The following CIZ1 variants were observed in gnomAD, a reference collection of about 807,000 sequenced individuals.
CIZ1 encodes CDKN1A interacting zinc finger protein 1.
CIZ1 carries 58 observed loss-of-function variants against 118.6 expected under a neutral mutation model. The observed-to-expected ratio is 0.49, with a 90% confidence interval of 0.40 to 0.61. CIZ1 has a LOEUF of 0.61. CIZ1 is among the 20% of genes least tolerant of loss of function. The probability of loss-of-function intolerance (pLI) is 0.00; values close to 1 mark genes in which losing one functional copy is unlikely to be tolerated. For missense variants in CIZ1, 921 were observed against 1,115.9 expected (o/e 0.83, Z 2.49); for synonymous variants, 448 against 443.4 (o/e 1.01, Z -0.13).
Position 128,176,457 on chromosome 9 carries a change from A to T in CIZ1, c.1837T>A (p.Ser613Thr). 1 of 1,613,520 alleles carries T rather than the reference A, an allele frequency of 6.2e-7. No homozygotes were observed. Among genetic ancestry groups the T allele is most frequent in the Non-Finnish European group, 8.5e-7 (1 of 1,179,928 alleles). ...AGCCGCTGCTGGTGCTGAGGCTCCG[A>T]CATGTGGTCCTGGAACTCCTGCAGC... ...SSQQEFQDHM[S>T]EPQHQQRLGE... Residue 613 changes from serine to threonine, a missense_variant, in exon 11 of 17, where the codon TCG (serine) becomes ACG (threonine). Physicochemically the swap from Ser to Thr is moderately conservative, Grantham distance 58. Transcript: ENST00000372938.
rs1474449530 is a variant in CIZ1 at position 128,203,422 on chromosome 9, G to T, written c.-6+764C>A. 18 of 1,400,844 alleles carry T rather than the reference G, an allele frequency of 1.3e-5. 1 individual carries two copies. In the African/African-American group the frequency reaches 1.5e-4, roughly 12 times the overall value. 86.8% of individuals were successfully genotyped at this position (1,400,844 alleles called of 1,614,324 possible). On this transcript the variant is annotated intron_variant, in intron 1 of 17. Coordinates refer to the CIZ1 transcript ENST00000372948. The surrounding 1 kb of genome is among the most constrained non-coding windows in gnomAD (Gnocchi z 5.3). ...CAGCGGCGGAGCCGGAGTCGGAGCC[G>T]GGAGCGCTAGCGGCAGCCGGATCGC... is the stretch of plus-strand genomic sequence containing the variant.
chr9:128,188,875 T>C (rs1160299765), intron 3 of CIZ1, among the ~76,000 whole-genome samples: 3 of 151,856 alleles, frequency 2.0e-5, no homozygotes, highest in African/African-American at 7.3e-5. Flanking sequence ...CTCAGCTCAC[T>C]GCGACCTCCA....
intron 14 of CIZ1, 44 bp downstream of exon 14, chr9:128,169,008 G>C: frequency 6.2e-7 from 1 of 1,612,112 alleles, no homozygotes; most frequent in South Asian, 1.1e-5. Flanking sequence ...TCCTGGGCTG[G>C]GAATCCAGCA....
At chr9:128,193,286 C>T (rs1384520734), upstream of CIZ1, among the ~76,000 whole-genome samples, 5 of 152,102 alleles carry the variant, frequency 3.3e-5, no homozygotes, top group African/African-American at 4.8e-5. Flanking sequence ...TAGGCTTTAT[C>T]CTCTAAGGGT....
chr9:128,194,841 AGG>A (rs1361799996), upstream of CIZ1, among the ~76,000 whole-genome samples: 1 of 144,852 alleles, frequency 6.9e-6, no homozygotes, highest in Non-Finnish European at 1.5e-5. Context: ...AAAAAGAGAC[AGG>A]GTCTTGCTCT....
At chr9:128,174,330 C>A (rs368179754) in intron 11 of CIZ1, among the ~76,000 whole-genome samples, 1 of 152,194 alleles carries the variant, frequency 6.6e-6, no homozygotes, top group East Asian at 1.9e-4. Context: ...AGAAACTGTT[C>A]TGCTACCGCA....
upstream of CIZ1, among the ~76,000 whole-genome samples, chr9:128,195,036 G>C (rs1004429213): frequency 2.0e-5 from 3 of 151,986 alleles, no homozygotes; most frequent in African/African-American, 7.3e-5. Flanking sequence ...TGCCCGGGCT[G>C]GTCTTGAACT....
rs45596437 is a variant in CIZ1, at chr9:128,175,612, A to T, written c.1943+739T>A. On this transcript the variant is annotated intron_variant, in intron 11 of 16. Coordinates refer to ENST00000372938, the MANE Select transcript of CIZ1 (RefSeq NM_001131016.2). ...CTCAAGGGACCGTCCAGCCTATGAA[A>T]GTGTTTGATTTGCTCTCCGTAGGGT... Among the ~76,000 whole-genome samples the T allele has an allele frequency of 2.3e-3, 347 of 152,326 alleles. 2 individuals carry two copies. Among genetic ancestry groups the T allele is most frequent in the African/African-American group, 8.0e-3 (331 of 41,572 alleles).
intron 9 of CIZ1, 27 bp from the exon 10 acceptor site, chr9:128,177,790 C>T: frequency 5.3e-6 from 8 of 1,508,952 alleles, no homozygotes; most frequent in Non-Finnish European, 7.2e-6. Flanking sequence ...AACTGAACTT[C>T]CATCAACTGT....
At position 128,177,546 on chromosome 9, in the gene CIZ1, C is replaced by CCAAAAAACAGG; in HGVS notation, c.1818+19_1818+20insCCTGTTTTTTG. 7.4e-7 allele frequency: 1 copy of CCAAAAAACAGG among 1,353,450 alleles called. No individual in the cohort carries two copies. The highest frequency in any genetic ancestry group is 9.9e-7 in the Non-Finnish European group (1 of 1,013,750). The allele number at this position is 1,353,450 out of a possible 1,614,324, so 83.8% of individuals were successfully genotyped here. A position where few individuals can be genotyped will look rare whatever the true frequency, so the allele number is the denominator to read the frequency against. ...CACGCAGGCCCCACCCCTCCCCACCCTTATCTCCTGTATCAGTACCTGCTG... is the reference window on the plus strand; with the variant it reads ...CACGCAGGCCCCACCCCTCCCCACCCCAAAAAACAGGTTATCTCCTGTATCAGTACCTGCTG... On this transcript the variant is annotated intron_variant, in intron 10 of 16. Transcript: ENST00000372938.
At chr9:128,176,558 C>T in intron 10 of CIZ1, 83 bp from the exon 11 acceptor site, 1 of 1,402,022 alleles carries the variant, frequency 7.1e-7, no homozygotes, top group Non-Finnish European at 9.7e-7. Flanking sequence ...AGGCAGACCC[C>T]AGCCTCATCA....
chr9:128,175,609 GA>G (rs1402715124), intron 11 of CIZ1, among the ~76,000 whole-genome samples: 3 of 152,196 alleles, frequency 2.0e-5, no homozygotes, highest in African/African-American at 7.2e-5. Context: ...TCCAGCCTAT[GA>G]AAGTGTTTGA....
chr9:128,169,158 T>C lies in CIZ1; in HGVS notation c.2189A>G (p.His730Arg), dbSNP rs1564243428. ...ACCCACAGCGTCCACTGTAATGAAG[T>C]GGTCCTCATCTTGGCCAGCAATTTC... ...EKEIAGQDED[H>R]FITVDAVGCF... The change falls in exon 14 of 17, where the codon CAC becomes CGC. Residue 730 changes from histidine to arginine, a missense_variant. His to Arg is a conservative substitution (Grantham distance 29). Coordinates refer to ENST00000372938, the MANE Select transcript of CIZ1 (RefSeq NM_001131016.2). 15 of 1,614,202 alleles carry C rather than the reference T, an allele frequency of 9.3e-6. 1 individual carries two copies. The highest frequency in any genetic ancestry group is 1.3e-5 in the Non-Finnish European group (15 of 1,180,036).
chr9:128,195,222 G>A (rs77076932), upstream of CIZ1, among the ~76,000 whole-genome samples: 32 of 152,304 alleles, frequency 2.1e-4, no homozygotes, highest in East Asian at 6.2e-3. Context: ...CCAGCCATCA[G>A]AAATTATGTT....
chr9:128,169,769 C>A, intron 12 of CIZ1: 1 of 1,470,722 alleles, frequency 6.8e-7, no homozygotes, highest in Non-Finnish European at 9.2e-7. Flanking sequence ...AGAGAGAGGG[C>A]AGCTGCCCAA....
At chr9:128,177,816 C>T in intron 9 of CIZ1, 53 bp from the exon 10 acceptor site, 1 of 1,284,830 alleles carries the variant, frequency 7.8e-7, no homozygotes, top group Non-Finnish European at 1.1e-6. Context: ...TATAGTGGGC[C>T]AGCCCAGCAT....
At position 128,177,767 on chromosome 9, in the gene CIZ1, C is replaced by A. The variant is rs1325208026; in HGVS notation, c.1621-4G>T. ...GGGAGCCCCCGGCGCCCCATACCTG[C>A]ATGGGGAGTAGGAACTGAACTTCCA... On this transcript the variant is annotated splice_polypyrimidine_tract_variant and splice_region_variant and intron_variant, in intron 9 of 16. Transcript: ENST00000372938. 4 of 1,579,452 alleles carry A rather than the reference C, an allele frequency of 2.5e-6. No homozygotes were observed.
At chr9:128,174,547 T>C (rs1218716148) in intron 11 of CIZ1, among the ~76,000 whole-genome samples, 4 of 152,164 alleles carry the variant, frequency 2.6e-5, no homozygotes, top group Non-Finnish European at 5.9e-5. Flanking sequence ...AAATTAGAAT[T>C]TTTTTCACTT....
Position 128,180,796 on chromosome 9 carries a change from T to C in CIZ1, c.607A>G (p.Met203Val), listed in dbSNP as rs1330477623. 6.2e-7 allele frequency: 1 copy of C among 1,611,282 alleles called. No homozygotes were observed. Among genetic ancestry groups the C allele is most frequent in the Non-Finnish European group, 8.5e-7 (1 of 1,179,158 alleles). Residue 203 changes from methionine (M) to valine (V), a missense_variant, in exon 6 of 17, where the codon ATG (methionine) becomes GTG (valine). Physicochemically the swap from Met to Val is conservative, Grantham distance 21 (BLOSUM62 1). Coordinates refer to ENST00000372938, the MANE Select transcript of CIZ1 (RefSeq NM_001131016.2). ...GGGTCTGACTTGTCTTCCACAGGCATTGTCTGAGAAGAAGAATCCTGCTTC... is the reference window on the plus strand; with the variant it reads ...GGGTCTGACTTGTCTTCCACAGGCACTGTCTGAGAAGAAGAATCCTGCTTC... ...PNRKDSSSQT[M>V]PVEDKSDPPE...
Sources: allele counts gnomAD v4.1 joint callset (sites outside exome capture counted in the v4.1 genomes callset), GRCh38; gene constraint gnomAD v4.1.1; non-coding constraint Gnocchi (gnomAD v3.1); transcripts MANE v1.5; gene names NCBI Gene and HGNC (gene_info 2026-07-23, HGNC 2026-07-21).